PLCL1: variants seen among roughly 807,000 people sequenced by gnomAD.
The protein encoded by PLCL1 is inactive phospholipase C-like protein 1.
PLCL1 carries 41 observed loss-of-function variants against 84.4 expected under a neutral mutation model. The ratio of observed to expected loss-of-function variants is 0.49; its 90% confidence interval spans 0.38 to 0.63. The LOEUF (loss-of-function observed/expected upper bound fraction) is 0.63. Ranked by LOEUF, PLCL1 falls within the 30% of genes least tolerant of loss-of-function variation. The pLI, the probability that PLCL1 is intolerant of heterozygous loss-of-function variation, is 0.00. For missense variants in PLCL1, 1,206 were observed against 1,367.8 expected (o/e 0.88, Z 1.87); for synonymous variants, 490 against 488.3 (o/e 1.00, Z -0.05).
At chr2:197,889,956 T>C (rs564795256) in intron 1 of PLCL1, among the ~76,000 whole-genome samples, 2 of 152,318 alleles carry the variant, frequency 1.3e-5, no homozygotes, top group African/African-American at 4.8e-5. Flanking sequence ...TTCATCTTTC[T>C]TATAGCAGAA....
chr2:197,830,194 T>C (rs1033884505), intron 1 of PLCL1, among the ~76,000 whole-genome samples: 1 of 151,788 alleles, frequency 6.6e-6, no homozygotes, highest in Non-Finnish European at 1.5e-5. Context: ...AGAAGTAAGC[T>C]TCAGAAGGTG....
chr2:197,929,357 G>A (rs1442429476), intron 1 of PLCL1, among the ~76,000 whole-genome samples: 6 of 152,190 alleles, frequency 3.9e-5, no homozygotes, highest in African/African-American at 1.4e-4. Context: ...CCTTCCAGAA[G>A]ATGAGGCAGC....
chr2:197,913,162 T>C (rs1688524431), intron 1 of PLCL1, among the ~76,000 whole-genome samples: 1 of 152,156 alleles, frequency 6.6e-6, no homozygotes, highest in Admixed American at 6.5e-5. Flanking sequence ...GGGTGTTCTC[T>C]CTGGAGGCAG....
chr2:198,033,578 T>G (rs1188075003), intron 1 of PLCL1, among the ~76,000 whole-genome samples: 1 of 152,192 alleles, frequency 6.6e-6, no homozygotes, highest in Non-Finnish European at 1.5e-5. Flanking sequence ...ATGCCTACTA[T>G]CCAAGAATTC....
At chr2:197,930,532 TTTA>T (rs1370773206) in intron 1 of PLCL1, among the ~76,000 whole-genome samples, 2 of 152,116 alleles carry the variant, frequency 1.3e-5, no homozygotes, top group African/African-American at 4.8e-5. Context: ...TTCTTAATAG[TTTA>T]TTGTGTAAAG....
At chr2:197,843,597 C>T (rs1404793187) in intron 1 of PLCL1, among the ~76,000 whole-genome samples, 1 of 152,118 alleles carries the variant, frequency 6.6e-6, no homozygotes, top group African/African-American at 2.4e-5. Context: ...TTGGCATGAA[C>T]ACAAATGGAG....
rs557020799 is a variant in PLCL1, at chr2:198,013,534, C to A, written c.241-70224C>A. Among the ~76,000 whole-genome samples the A allele has an allele frequency of 5.9e-5, 9 of 152,174 alleles. No individual in the cohort carries two copies. The Middle Eastern group carries it at 0.01, about 173-fold the overall frequency. On this transcript the variant is annotated intron_variant, in intron 1 of 5. Transcript: ENST00000428675. ...ATGTACCATGCTGATTAATATTATA[C>A]TAGAAAGTGGTTTGCTGTTTTATTT...
At chr2:197,827,623 G>A (rs1283791482) in intron 1 of PLCL1, among the ~76,000 whole-genome samples, 7 of 152,012 alleles carry the variant, frequency 4.6e-5, no homozygotes, top group African/African-American at 1.4e-4. Context: ...TTTGAAAAAC[G>A]TATTTTTGGG....
At chr2:197,950,053 C>T (rs1417784229) in intron 1 of PLCL1, among the ~76,000 whole-genome samples, 1 of 152,142 alleles carries the variant, frequency 6.6e-6, no homozygotes, top group African/African-American at 2.4e-5. Flanking sequence ...TGGCAGAAGA[C>T]TCCAAATCCA....
chr2:198,059,718 A>G lies in PLCL1; in HGVS notation c.241-24040A>G, dbSNP rs1215554057. Among the ~76,000 whole-genome samples, 5 of 152,148 alleles carry G rather than the reference A, an allele frequency of 3.3e-5. No individual in the cohort carries two copies. In the East Asian group the frequency reaches 9.6e-4, roughly 29 times the overall value. ...ATTTTAAGTACAATCATGGAGTTTAATTATGTGTGGATTTCTCAGGAAATT... is the reference window on the plus strand; with the variant it reads ...ATTTTAAGTACAATCATGGAGTTTAGTTATGTGTGGATTTCTCAGGAAATT... On this transcript the variant is annotated intron_variant, in intron 1 of 5. Transcript: ENST00000428675.
At chr2:198,096,844 T>C (rs1693209883) in intron 3 of PLCL1, among the ~76,000 whole-genome samples, 1 of 152,180 alleles carries the variant, frequency 6.6e-6, no homozygotes, top group Non-Finnish European at 1.5e-5. Context: ...TGCAATGGAA[T>C]GAATACACTA....
At chr2:198,081,054 A>G (rs1256436854) in intron 1 of PLCL1, among the ~76,000 whole-genome samples, 1 of 152,184 alleles carries the variant, frequency 6.6e-6, no homozygotes, top group Non-Finnish European at 1.5e-5. Flanking sequence ...TCTTACAAAT[A>G]AACAGTGACT....
intron 1 of PLCL1, among the ~76,000 whole-genome samples, chr2:197,835,832 T>G (rs1225710585): frequency 6.6e-6 from 1 of 152,220 alleles, no homozygotes; most frequent in Non-Finnish European, 1.5e-5. Context: ...TTTTTGTTCT[T>G]AAAATATTAA....
At chr2:197,858,342 G>T (rs1034893282) in intron 1 of PLCL1, among the ~76,000 whole-genome samples, 9 of 152,100 alleles carry the variant, frequency 5.9e-5, no homozygotes, top group African/African-American at 2.2e-4. Flanking sequence ...TTCCTGTGAA[G>T]TTAATGAGGC....
chr2:198,113,022 T>A (rs113166089), intron 5 of PLCL1, among the ~76,000 whole-genome samples: 3 of 151,944 alleles, frequency 2.0e-5, no homozygotes, highest in African/African-American at 7.2e-5. Flanking sequence ...TATTAAGCCT[T>A]ATAAAGTGTA....
In PLCL1 at chr2:197,830,356, C is replaced by T. The variant is rs564017862; in HGVS notation, c.240+25017C>T. Among the ~76,000 whole-genome samples the T allele has an allele frequency of 2.1e-4, 32 of 151,792 alleles. 1 individual carries two copies. The highest frequency in any genetic ancestry group is 1.1e-3 in the Admixed American group (17 of 15,210). On this transcript the variant is annotated intron_variant, in intron 1 of 5. Coordinates refer to ENST00000428675, the MANE Select transcript of PLCL1 (RefSeq NM_006226.4). ...ACTGATGGAGCTGAAAAAGACAGCA[C>T]GAGAACTTCGTGAAACATACAAAAG...
At chr2:197,950,575 T>C (rs1689369264) in intron 1 of PLCL1, among the ~76,000 whole-genome samples, 1 of 152,110 alleles carries the variant, frequency 6.6e-6, no homozygotes, top group Non-Finnish European at 1.5e-5. Flanking sequence ...GATTCACTAG[T>C]AGCCGTATTG....
At chr2:197,983,200 C>CTTTTTTTTTTTTTTTTTTT (rs760577848) in intron 1 of PLCL1, among the ~76,000 whole-genome samples, 9 of 60,280 alleles carry the variant, frequency 1.5e-4, no homozygotes, top group Non-Finnish European at 2.1e-4. Context: ...CTTTTCTTTT[C>CTTTTTTTTTTTTTTTTTTT]TTTTTTTTTT....
chr2:198,146,788 A>G lies in PLCL1; in HGVS notation c.3114A>G (p.Gly1038=). ...AWNITVLKGQ[G]DLLKNAKNEA... ...TTTTTTTCTGTTTGTAGGGCCAAGGAGATCTGTTGAAGAATGCCAAGAATG... is the reference window on the plus strand; with the variant it reads ...TTTTTTTCTGTTTGTAGGGCCAAGGGGATCTGTTGAAGAATGCCAAGAATG... Residue 1038 remains glycine, a synonymous_variant, in exon 6 of 6, where the codon GGA becomes GGG. Transcript: ENST00000428675. 6.2e-7 allele frequency: 1 copy of G among 1,611,546 alleles called. No individual in the cohort carries two copies. Among genetic ancestry groups the G allele is most frequent in the South Asian group, 1.1e-5 (1 of 90,796 alleles).
Sources: gnomAD v4.1 joint callset for allele counts (sites outside exome capture counted in the v4.1 genomes callset) on GRCh38, gnomAD v4.1.1 for gene constraint, MANE v1.5 for transcripts, NCBI Gene and HGNC (gene_info 2026-07-23, HGNC 2026-07-21) for gene names.